The following GRIN2A variants were observed in gnomAD, a reference collection of about 807,000 sequenced individuals.
GRIN2A encodes glutamate receptor ionotropic, NMDA 2A.
A neutral mutation model predicts 113.4 loss-of-function variants in GRIN2A; 22 were observed. That is an observed-to-expected ratio of 0.19 (90% confidence interval 0.14 to 0.28). The LOEUF (loss-of-function observed/expected upper bound fraction) is 0.28. Ranked by LOEUF, GRIN2A falls within the 10% of genes least tolerant of loss-of-function variation. The probability of loss-of-function intolerance (pLI) is 1.00; values close to 1 mark genes in which losing one functional copy is unlikely to be tolerated. For missense variants in GRIN2A, 1,502 were observed against 1,887.0 expected (o/e 0.80, Z 3.78); for synonymous variants, 827 against 738.4 (o/e 1.12, Z -1.94).
intron 2 of GRIN2A, among the ~76,000 whole-genome samples, chr16:10,041,545 C>G (rs944737660): frequency 6.6e-6 from 1 of 152,146 alleles, no homozygotes; most frequent in Non-Finnish European, 1.5e-5. Flanking sequence ...GGTAAGGGCT[C>G]TGAGTGGGGC....
chr16:9,919,738 G>A (rs536286890), intron 3 of GRIN2A, among the ~76,000 whole-genome samples: 9 of 152,270 alleles, frequency 5.9e-5, no homozygotes, highest in African/African-American at 1.9e-4. Context: ...AACTCTCATC[G>A]TGGTCTCTGA....
At chr16:10,133,891 CA>C (rs2049128817) in intron 2 of GRIN2A, among the ~76,000 whole-genome samples, 1 of 152,048 alleles carries the variant, frequency 6.6e-6, no homozygotes, top group Non-Finnish European at 1.5e-5. Flanking sequence ...TTTTGGAATT[CA>C]GTTAGGCAGT....
At chr16:9,968,619 A>G (rs1023552121) in intron 2 of GRIN2A, among the ~76,000 whole-genome samples, 1 of 149,402 alleles carries the variant, frequency 6.7e-6, no homozygotes, top group Non-Finnish European at 1.5e-5. Context: ...GGTCGTATTT[A>G]TTTTTTTGAC....
At chr16:9,898,439 G>A (rs187578036) in intron 3 of GRIN2A, among the ~76,000 whole-genome samples, 59 of 151,786 alleles carry the variant, frequency 3.9e-4, no homozygotes, top group East Asian at 5.8e-4. Flanking sequence ...TATCTCTTTC[G>A]TCTTATAGTC....
At chr16:9,787,409 T>C (rs957290987) in intron 11 of GRIN2A, among the ~76,000 whole-genome samples, 1 of 152,196 alleles carries the variant, frequency 6.6e-6, no homozygotes, top group African/African-American at 2.4e-5. Context: ...CCCCACCCTC[T>C]ACCCCACTTC....
chr16:9,877,502 A>G (rs2043390699), intron 4 of GRIN2A, among the ~76,000 whole-genome samples: 1 of 152,022 alleles, frequency 6.6e-6, no homozygotes, highest in African/African-American at 2.4e-5. Context: ...GTGGCACTCT[A>G]AGTTCTGAAA....
intron 4 of GRIN2A, among the ~76,000 whole-genome samples, chr16:9,888,328 T>G (rs1231689601): frequency 6.6e-6 from 1 of 152,222 alleles, no homozygotes; most frequent in Admixed American, 6.5e-5. Flanking sequence ...TAATGGTTTT[T>G]CATATTTGGT....
chr16:9,949,432 T>C (rs1213376446), intron 2 of GRIN2A, among the ~76,000 whole-genome samples: 2 of 150,250 alleles, frequency 1.3e-5, no homozygotes. Context: ...GGTGGATGGA[T>C]GGGTGGGTGG....
At chr16:9,938,668 C>T (rs2044778786) in intron 2 of GRIN2A, 117 bp from the exon 3 acceptor site, 1 of 742,310 alleles carries the variant, frequency 1.3e-6, no homozygotes, top group South Asian at 1.5e-5. Flanking sequence ...TGCAGACATT[C>T]CTGAGCATCT....
intron 9 of GRIN2A, among the ~76,000 whole-genome samples, chr16:9,827,356 GGTGAGCATGATTTACTA>G (rs2042405882): frequency 6.6e-6 from 1 of 152,196 alleles, no homozygotes; most frequent in South Asian, 2.1e-4. Context: ...AGGATTTGGG[GGTGAGCATGATTTACTA>G]GTGAAGGGTT....
At chr16:10,096,138 T>A (rs1212086710) in intron 2 of GRIN2A, among the ~76,000 whole-genome samples, 1 of 152,198 alleles carries the variant, frequency 6.6e-6, no homozygotes, top group African/African-American at 2.4e-5. Flanking sequence ...TCAGATTCAC[T>A]GGGGGTTTAG....
chr16:10,170,808 T>C (rs2050026388), intron 2 of GRIN2A, among the ~76,000 whole-genome samples: 1 of 151,438 alleles, frequency 6.6e-6, no homozygotes, highest in African/African-American at 2.4e-5. Flanking sequence ...GCCCAGGAGG[T>C]TGAGGCTGCA....
intron 10 of GRIN2A, among the ~76,000 whole-genome samples, chr16:9,813,874 C>G (rs28651910): frequency 0.047 from 7,107 of 152,218 alleles, 592 homozygotes; most frequent in African/African-American, 0.16. Context: ...CCATTTAGAA[C>G]AGCTCACTGA....
intron 2 of GRIN2A, among the ~76,000 whole-genome samples, chr16:9,982,739 T>A (rs1157273882): frequency 1.3e-5 from 2 of 152,194 alleles, no homozygotes; most frequent in Non-Finnish European, 2.9e-5. Context: ...GGCTTCTGAG[T>A]CCCTTTGACC....
At chr16:10,067,711 G>C (rs147459137) in intron 2 of GRIN2A, among the ~76,000 whole-genome samples, 130 of 152,284 alleles carry the variant, frequency 8.5e-4, no homozygotes, top group African/African-American at 2.8e-3. Context: ...GGCTAAGCCA[G>C]TGGTTCTATA....
chr16:10,176,460 T>G (rs1297171193), intron 2 of GRIN2A, among the ~76,000 whole-genome samples: 1 of 152,010 alleles, frequency 6.6e-6, no homozygotes, highest in African/African-American at 2.4e-5. Context: ...TCTTCAATGG[T>G]CAAGTAGACA....
intron 2 of GRIN2A, among the ~76,000 whole-genome samples, chr16:10,015,945 G>A (rs532238998): frequency 2.0e-5 from 3 of 152,018 alleles, no homozygotes; most frequent in East Asian, 1.9e-4. Context: ...ATAAAACCCC[G>A]TCTCTACTAA....
intron 2 of GRIN2A, among the ~76,000 whole-genome samples, chr16:9,971,481 G>C (rs1312816687): frequency 1.3e-5 from 2 of 152,190 alleles, no homozygotes; most frequent in Admixed American, 1.3e-4. Context: ...ACATGCAGCA[G>C]AAAAACCACC....
rs369160419 is a variant in GRIN2A, at chr16:10,089,306, G to A, written c.414+90692C>T. On this transcript the variant is annotated intron_variant, in intron 2 of 12. Transcript: ENST00000330684. ...GATATATTCAGTACTCCTTGATTTTGGTGATGGTATCACAGATGTATGCAT... is the reference window on the plus strand; with the variant it reads ...GATATATTCAGTACTCCTTGATTTTAGTGATGGTATCACAGATGTATGCAT... Among the ~76,000 whole-genome samples the A allele has an allele frequency of 3.0e-4, 46 of 152,228 alleles. No homozygotes were observed. In the South Asian group the frequency reaches 8.7e-3, roughly 29 times the overall value.
Sources: allele counts gnomAD v4.1 joint callset (sites outside exome capture counted in the v4.1 genomes callset), GRCh38; gene constraint gnomAD v4.1.1; transcripts MANE v1.5; gene names NCBI Gene and HGNC (gene_info 2026-07-23, HGNC 2026-07-21).